MYO9A: variants seen among roughly 807,000 people sequenced by gnomAD.
MYO9A encodes myosin IXA, also known as unconventional myosin-IXa.
MYO9A carries 103 observed loss-of-function variants against 293.3 expected under a neutral mutation model. The observed-to-expected ratio is 0.35, with a 90% CI of 0.30 to 0.41. The LOEUF is 0.41. Among genes scored for constraint, MYO9A ranks in the 10% least tolerant of loss-of-function variants. The pLI is 1.00. For synonymous variants in MYO9A, 1,001 were observed against 1,035.7 expected (o/e 0.97, Z 0.64); for missense variants, 2,685 against 3,033.0 (o/e 0.89, Z 2.69).
rs1436277535 is a variant in MYO9A, at chr15:71,878,034, A to G, written c.5931+6T>C. ...CCTTTAAGTAATCAAAATATATCAC[A>G]TTTACCTTTGTGGCTGTGCAATCTG... On this transcript the variant is annotated splice_donor_region_variant and intron_variant, in intron 31 of 41. Coordinates refer to ENST00000356056, the MANE Select transcript of MYO9A (RefSeq NM_006901.4). 6.3e-7 allele frequency: 1 copy of G among 1,579,690 alleles called. No homozygotes were observed. Among genetic ancestry groups the G allele is most frequent in the Non-Finnish European group, 8.6e-7 (1 of 1,164,594 alleles).
intron 1 of MYO9A, among the ~76,000 whole-genome samples, chr15:72,067,085 T>A (rs2079043486): frequency 1.1e-5 from 1 of 90,914 alleles, no homozygotes; most frequent in African/African-American, 3.0e-5. Flanking sequence ...ATATTGATAA[T>A]TATATATTAC....
chr15:72,080,845 T>A lies in MYO9A; in HGVS notation c.-71-34211A>T, dbSNP rs1458868478. Among the ~76,000 whole-genome samples the A allele has an allele frequency of 2.6e-5, 4 of 152,208 alleles. No individual in the cohort carries two copies. In the South Asian group the frequency reaches 8.3e-4, roughly 32 times the overall value. On this transcript the variant is annotated intron_variant, in intron 1 of 41. Coordinates refer to ENST00000356056, the MANE Select transcript of MYO9A (RefSeq NM_006901.4). ...TTTCTGTTCCCATATTAGTTTACTA[T>A]GAATAATGGCCTCCAGCTTCATCCA...
intron 12 of MYO9A, among the ~76,000 whole-genome samples, chr15:71,970,922 G>A (rs2075992476): frequency 6.6e-6 from 1 of 151,980 alleles, no homozygotes; most frequent in South Asian, 2.1e-4. Context: ...AATTTGGGAG[G>A]CTGAGGCGGG....
intron 39 of MYO9A, among the ~76,000 whole-genome samples, chr15:71,830,626 A>G (rs1214238843): frequency 6.6e-6 from 1 of 152,180 alleles, no homozygotes; most frequent in African/African-American, 2.4e-5. Flanking sequence ...CTGGGTATTT[A>G]TTTTTAAATT....
At chr15:71,980,571 A>G (rs922676090) in intron 11 of MYO9A, among the ~76,000 whole-genome samples, 1 of 152,204 alleles carries the variant, frequency 6.6e-6, no homozygotes, top group Non-Finnish European at 1.5e-5. Flanking sequence ...ACAGTGTCTC[A>G]CATCTGTAAT....
intron 32 of MYO9A, among the ~76,000 whole-genome samples, chr15:71,866,112 T>C (rs2056314868): frequency 6.6e-6 from 1 of 152,220 alleles, no homozygotes; most frequent in Non-Finnish European, 1.5e-5. Context: ...GATGGCAGTT[T>C]TACCCATGTT....
chr15:72,012,292 T>C (rs1381121891), intron 6 of MYO9A, among the ~76,000 whole-genome samples: 1 of 152,136 alleles, frequency 6.6e-6, no homozygotes, highest in East Asian at 1.9e-4. Context: ...AATGTCCTAC[T>C]CATTAAAATA....
chr15:71,894,572 T>C (rs1456822346), intron 25 of MYO9A, among the ~76,000 whole-genome samples: 2 of 152,092 alleles, frequency 1.3e-5, no homozygotes, highest in Non-Finnish European at 2.9e-5. Context: ...AGAGTGAAAC[T>C]GTCTCAAAAA....
chr15:71,967,460 T>C (rs2075906087), intron 13 of MYO9A, among the ~76,000 whole-genome samples: 1 of 152,170 alleles, frequency 6.6e-6, no homozygotes, highest in Non-Finnish European at 1.5e-5. Context: ...TATCATCAGC[T>C]GCCTTACCTG....
intron 7 of MYO9A, among the ~76,000 whole-genome samples, chr15:72,009,698 C>CAAAAAA (rs550620735): frequency 6.7e-6 from 1 of 149,528 alleles, no homozygotes; most frequent in Non-Finnish European, 1.5e-5. Context: ...ATGCTGTCTC[C>CAAAAAA]AAAAAAAACA....
At chr15:72,020,200 G>C (rs1386539332) in intron 5 of MYO9A, among the ~76,000 whole-genome samples, 1 of 152,030 alleles carries the variant, frequency 6.6e-6, no homozygotes, top group Non-Finnish European at 1.5e-5. Context: ...TCCAACAATG[G>C]AAAAATAAGG....
chr15:71,998,565 CTTT>C, intron 9 of MYO9A, among the ~76,000 whole-genome samples: 1 of 140,104 alleles, frequency 7.1e-6, no homozygotes, highest in East Asian at 2.0e-4. Flanking sequence ...TTTTTTTTGT[CTTT>C]TTTTTTCTTT....
chr15:71,947,334 G>T (rs2146378701), intron 15 of MYO9A, among the ~76,000 whole-genome samples: 1 of 150,214 alleles, frequency 6.7e-6, no homozygotes, highest in East Asian at 1.9e-4. Flanking sequence ...TACTTATTTG[G>T]AGTCTAATAT....
At chr15:72,058,003 T>C (rs2078770213) in intron 1 of MYO9A, among the ~76,000 whole-genome samples, 1 of 152,244 alleles carries the variant, frequency 6.6e-6, no homozygotes, top group Non-Finnish European at 1.5e-5. Flanking sequence ...TCCAAATTCC[T>C]GATTTCAAAA....
chr15:71,958,847 G>T (rs2059262296), intron 14 of MYO9A: 1 of 152,194 alleles, frequency 6.6e-6, no homozygotes, highest in African/African-American at 2.4e-5. Context: ...TAACAGATAT[G>T]TAACAACTAG....
intron 18 of MYO9A, among the ~76,000 whole-genome samples, chr15:71,924,400 C>G (rs2058236881): frequency 6.6e-6 from 1 of 151,946 alleles, no homozygotes; most frequent in Non-Finnish European, 1.5e-5. Flanking sequence ...TGCCACCATG[C>G]CTGGCTAAAT....
At chr15:72,012,763 T>C (rs2077211025) in intron 6 of MYO9A, among the ~76,000 whole-genome samples, 1 of 152,206 alleles carries the variant, frequency 6.6e-6, no homozygotes, top group Admixed American at 6.5e-5. Flanking sequence ...GGGGAATCTA[T>C]GCTTCCACAT....
At chr15:71,841,621 T>C (rs2055163325) in intron 39 of MYO9A, among the ~76,000 whole-genome samples, 1 of 151,792 alleles carries the variant, frequency 6.6e-6, no homozygotes, top group African/African-American at 2.4e-5. Context: ...GCTGATTCAT[T>C]TTTATTTTAT....
chr15:71,904,022 A>G lies in MYO9A; in HGVS notation c.2784T>C (p.Ser928=). 1 of 1,613,816 alleles carries G rather than the reference A, an allele frequency of 6.2e-7. No homozygotes were observed. The highest frequency in any genetic ancestry group is 8.5e-7 in the Non-Finnish European group (1 of 1,179,902). ...SNAEKLPLRF[S]DVLVLRQLRY... ...GAAGCTGTCTAAGTACCAAGACATC[A>G]CTGAACCTTAAGGGCAGCTAAAGCA... is the stretch of plus-strand genomic sequence containing the variant. The change falls in exon 21 of 42, where the codon AGT becomes AGC. Residue 928 remains serine, a synonymous_variant. Transcript: ENST00000356056.
Sources: gnomAD v4.1 joint callset for allele counts (sites outside exome capture counted in the v4.1 genomes callset) on GRCh38, gnomAD v4.1.1 for gene constraint, MANE v1.5 for transcripts, NCBI Gene and HGNC (gene_info 2026-07-23, HGNC 2026-07-21) for gene names.